Variants in PRKCH observed in about 807,000 individuals in gnomAD.
PRKCH encodes protein kinase C eta type.
A neutral mutation model predicts 82.5 loss-of-function variants in PRKCH; 28 were observed. The observed-to-expected ratio is 0.34, with a 90% CI of 0.25 to 0.47. The LOEUF is 0.47. Among genes scored for constraint, PRKCH ranks in the 20% least tolerant of loss-of-function variants. The pLI is 1.00. For missense variants in PRKCH, 705 were observed against 881.8 expected (o/e 0.80, Z 2.54); for synonymous variants, 322 against 327.4 (o/e 0.98, Z 0.18).
chr14:61,477,015 T>C (rs1288191893), intron 9 of PRKCH, among the ~76,000 whole-genome samples: 1 of 152,242 alleles, frequency 6.6e-6, no homozygotes, highest in Non-Finnish European at 1.5e-5. Context: ...CTGTGACCTC[T>C]TTGACGTCAG....
intron 2 of PRKCH, among the ~76,000 whole-genome samples, chr14:61,407,449 A>G (rs964056209): frequency 5.3e-5 from 8 of 152,154 alleles, no homozygotes; most frequent in African/African-American, 1.7e-4. Flanking sequence ...CAAAGACTGA[A>G]GCTTAACTCT....
intron 1 of PRKCH, among the ~76,000 whole-genome samples, chr14:61,212,847 G>A (rs766048141): frequency 1.3e-5 from 2 of 152,190 alleles, no homozygotes; most frequent in Admixed American, 6.5e-5. Flanking sequence ...TGAGTGCTCC[G>A]TGAGCAGAGG....
chr14:61,426,687 G>A (rs1223422728), intron 2 of PRKCH, among the ~76,000 whole-genome samples: 1 of 152,148 alleles, frequency 6.6e-6, no homozygotes, highest in Non-Finnish European at 1.5e-5. Context: ...ACATTAGAAG[G>A]CTATAGCTTA....
chr14:61,444,702 C>A (rs921677746), intron 3 of PRKCH, among the ~76,000 whole-genome samples: 5 of 152,188 alleles, frequency 3.3e-5, no homozygotes, highest in Admixed American at 2.6e-4. Context: ...CATCCAGTCT[C>A]ATCACCAACT....
intron 1 of PRKCH, among the ~76,000 whole-genome samples, chr14:61,220,249 G>C (rs1246982579): frequency 6.6e-6 from 1 of 152,220 alleles, no homozygotes; most frequent in Non-Finnish European, 1.5e-5. Flanking sequence ...CATCTCCTCT[G>C]TCAGGGAGCA....
intron 1 of PRKCH, among the ~76,000 whole-genome samples, chr14:61,229,464 A>G (rs2044723711): frequency 6.6e-6 from 1 of 152,186 alleles, no homozygotes; most frequent in Non-Finnish European, 1.5e-5. Context: ...AGGCACCTGA[A>G]TGAATGAACA....
intron 10 of PRKCH, among the ~76,000 whole-genome samples, chr14:61,526,320 G>T (rs1337766259): frequency 4.6e-5 from 7 of 152,204 alleles, no homozygotes; most frequent in Admixed American, 3.3e-4. Flanking sequence ...GCTGAAGTGG[G>T]TGCACAGGTA....
chr14:61,326,155 G>A (rs1322558935), intron 1 of PRKCH, among the ~76,000 whole-genome samples: 5 of 152,192 alleles, frequency 3.3e-5, no homozygotes, highest in African/African-American at 1.2e-4. Flanking sequence ...AGTGTTCATA[G>A]CATCTTTATT....
At chr14:61,417,208 C>T (rs778481659) in intron 2 of PRKCH, among the ~76,000 whole-genome samples, 1 of 152,152 alleles carries the variant, frequency 6.6e-6, no homozygotes, top group Non-Finnish European at 1.5e-5. Flanking sequence ...CGAGACTGCT[C>T]CTTAAGGATA....
At chr14:61,242,483 T>C (rs2044847696) in intron 1 of PRKCH, among the ~76,000 whole-genome samples, 1 of 152,176 alleles carries the variant, frequency 6.6e-6, no homozygotes, top group African/African-American at 2.4e-5. Flanking sequence ...CCACAACCTC[T>C]GCCTCCCAGG....
At chr14:61,230,064 G>A (rs2044729364) in intron 1 of PRKCH, among the ~76,000 whole-genome samples, 1 of 151,942 alleles carries the variant, frequency 6.6e-6, no homozygotes, top group Non-Finnish European at 1.5e-5. Flanking sequence ...CCCTTAAGTA[G>A]GAGTCTGCTA....
chr14:61,514,552 T>C (rs1461482387), intron 10 of PRKCH, among the ~76,000 whole-genome samples: 1 of 152,034 alleles, frequency 6.6e-6, no homozygotes, highest in Non-Finnish European at 1.5e-5. Context: ...ACGTTGGCTG[T>C]AGAGGTCCCA....
chr14:61,380,499 C>T (rs2046489619), intron 1 of PRKCH, among the ~76,000 whole-genome samples: 1 of 152,110 alleles, frequency 6.6e-6, no homozygotes, highest in South Asian at 2.1e-4. Flanking sequence ...AGAACTCACC[C>T]CACTCCTTTT....
intron 9 of PRKCH, among the ~76,000 whole-genome samples, chr14:61,480,313 A>G (rs1190271696): frequency 2.0e-5 from 3 of 152,174 alleles, no homozygotes; most frequent in African/African-American, 7.2e-5. Context: ...AGGATTTCCA[A>G]AAAATGCTTC....
At position 61,550,917 on chromosome 14, in the gene PRKCH, A is replaced by C. The variant is rs916585427; in HGVS notation, c.*1086A>C. Reference sequence around the variant, plus strand: ...TATCAAAGATGACCTTATAATATGTACCCGAATATACAGTTCAAGAATTTT... The same window carrying C: ...TATCAAAGATGACCTTATAATATGTCCCCGAATATACAGTTCAAGAATTTT... On this transcript the variant is annotated 3_prime_UTR_variant, in exon 14 of 14. Transcript: ENST00000332981. 2 of 152,220 alleles carry C rather than the reference A, an allele frequency of 1.3e-5. No homozygotes were observed. Among genetic ancestry groups the C allele is most frequent in the Non-Finnish European group, 2.9e-5 (2 of 68,042 alleles). The allele number at this position is 152,220 out of a possible 1,614,324, so 9.4% of individuals were successfully genotyped here.
upstream of PRKCH, among the ~76,000 whole-genome samples, chr14:61,317,227 A>T (rs1247613321): frequency 6.6e-6 from 1 of 152,062 alleles, no homozygotes; most frequent in African/African-American, 2.4e-5. Context: ...ATTCTAAACA[A>T]GCCCTTCTTC....
intron 2 of PRKCH, among the ~76,000 whole-genome samples, chr14:61,440,359 A>G (rs953983236): frequency 2.0e-5 from 3 of 152,178 alleles, no homozygotes; most frequent in African/African-American, 7.2e-5. Flanking sequence ...TTCTTGAGAC[A>G]TATGGGAAAC....
intron 1 of PRKCH, among the ~76,000 whole-genome samples, chr14:61,325,321 T>C (rs918349035): frequency 8.5e-5 from 13 of 152,124 alleles, no homozygotes; most frequent in Admixed American, 7.9e-4. Flanking sequence ...TCCACACATA[T>C]ATGACCCACT....
Position 61,535,654 on chromosome 14 carries a change from T to C in PRKCH, c.1761+5059T>C, listed in dbSNP as rs2043098555. Among the ~76,000 whole-genome samples, 3 of 152,236 alleles carry C rather than the reference T, an allele frequency of 2.0e-5. No homozygotes were observed. In the South Asian group the frequency reaches 6.2e-4, roughly 32 times the overall value. ...GTCACGCGAAGGAGTCTACACTTTATCTGAAGTGCCAACGTAAGTCTTTGA... is the reference window on the plus strand; with the variant it reads ...GTCACGCGAAGGAGTCTACACTTTACCTGAAGTGCCAACGTAAGTCTTTGA... On this transcript the variant is annotated intron_variant, in intron 12 of 13. Transcript: ENST00000332981.
Sources: allele counts gnomAD v4.1 joint callset (sites outside exome capture counted in the v4.1 genomes callset), GRCh38; gene constraint gnomAD v4.1.1; transcripts MANE v1.5; gene names NCBI Gene and HGNC (gene_info 2026-07-23, HGNC 2026-07-21).